The following CMIP variants were observed in gnomAD, a reference collection of about 807,000 sequenced individuals.
CMIP encodes C-Maf-inducing protein.
Under a neutral mutation model 97.3 loss-of-function variants are expected in CMIP, and 13 were observed. The ratio of observed to expected loss-of-function variants is 0.13; its 90% CI spans 0.09 to 0.21. CMIP has a LOEUF of 0.21. CMIP is among the 10% of genes least tolerant of loss of function. The pLI, the probability that CMIP is intolerant of heterozygous loss-of-function variation, is 1.00. For missense variants in CMIP, 847 were observed against 1,024.9 expected (o/e 0.83, Z 2.37); for synonymous variants, 538 against 436.3 (o/e 1.23, Z -2.91).
intron 3 of CMIP, among the ~76,000 whole-genome samples, chr16:81,635,460 T>C (rs1463820994): frequency 6.6e-6 from 1 of 152,072 alleles, no homozygotes; most frequent in African/African-American, 2.4e-5. Context: ...ACTGGGAAAA[T>C]CGATACGAAT....
intron 1 of CMIP, among the ~76,000 whole-genome samples, chr16:81,595,784 A>G (rs959795748): frequency 3.3e-5 from 5 of 152,178 alleles, no homozygotes; most frequent in African/African-American, 7.2e-5. Flanking sequence ...TTGTTTATCC[A>G]TCATCTGTTG....
intron 1 of CMIP, among the ~76,000 whole-genome samples, chr16:81,537,209 C>T (rs1042429060): frequency 1.6e-4 from 25 of 152,078 alleles, no homozygotes; most frequent in South Asian, 2.1e-4. Flanking sequence ...CCTGGAGTGT[C>T]GGGGCATCCT....
chr16:81,505,369 TCCATGTGGGCCTGGTCCTCCAGACC>T (rs567369267), intron 1 of CMIP, among the ~76,000 whole-genome samples: 1 of 152,292 alleles, frequency 6.6e-6, no homozygotes, highest in Admixed American at 6.5e-5. Context: ...TGTTCTTGCT[TCCATGTGGGCCTGGTCCTCCAGACC>T]CCACGCCTGG....
At chr16:81,566,984 C>G (rs1259359874) in intron 1 of CMIP, among the ~76,000 whole-genome samples, 3 of 152,186 alleles carry the variant, frequency 2.0e-5, no homozygotes, top group Admixed American at 2.0e-4. Context: ...AGGGAATTGC[C>G]AAGAAGGGAC....
chr16:81,641,040 G>T (rs745605800), intron 3 of CMIP, among the ~76,000 whole-genome samples: 2 of 152,058 alleles, frequency 1.3e-5, no homozygotes, highest in Non-Finnish European at 2.9e-5. Flanking sequence ...TTGTGGGTGA[G>T]AACCTTGCTT....
intron 1 of CMIP, among the ~76,000 whole-genome samples, chr16:81,513,446 A>G (rs1427069571): frequency 6.6e-6 from 1 of 152,136 alleles, no homozygotes; most frequent in Non-Finnish European, 1.5e-5. Flanking sequence ...CTGCCATACC[A>G]CCTGGCTGGA....
intron 1 of CMIP, among the ~76,000 whole-genome samples, chr16:81,451,978 G>A (rs560069766): frequency 6.6e-6 from 1 of 152,366 alleles, no homozygotes; most frequent in African/African-American, 2.4e-5. Flanking sequence ...GCTTACATCA[G>A]CAGAGCCCTA....
chr16:81,571,050 T>A (rs1482293703), intron 1 of CMIP, among the ~76,000 whole-genome samples: 1 of 152,222 alleles, frequency 6.6e-6, no homozygotes, highest in African/African-American at 2.4e-5. Flanking sequence ...TGTAACAAAT[T>A]CACCACACTA....
intron 1 of CMIP, among the ~76,000 whole-genome samples, chr16:81,548,588 TC>T (rs2090594112): frequency 6.6e-6 from 1 of 151,514 alleles, no homozygotes; most frequent in South Asian, 2.1e-4. Context: ...CACCTGTAAT[TC>T]CAGTTCCTTG....
chr16:81,595,768 A>T (rs4889346), intron 1 of CMIP, among the ~76,000 whole-genome samples: 39,649 of 152,078 alleles, frequency 0.26, 7,967 homozygotes, highest in African/African-American at 0.56. Context: ...ATGGATAGAC[A>T]ACATTTTGTT....
At chr16:81,550,972 AC>A (rs1250619609) in intron 1 of CMIP, among the ~76,000 whole-genome samples, 9 of 113,272 alleles carry the variant, frequency 7.9e-5, no homozygotes, top group Non-Finnish European at 1.6e-4. Context: ...CGTCACACGC[AC>A]CCCAGTCCCG....
intron 10 of CMIP, among the ~76,000 whole-genome samples, chr16:81,680,711 C>G (rs1195314575): frequency 6.6e-6 from 1 of 152,216 alleles, no homozygotes; most frequent in Non-Finnish European, 1.5e-5. Flanking sequence ...AGGGTGCCAG[C>G]TCTCCCAGCG....
chr16:81,558,547 G>A (rs1421505714), intron 1 of CMIP, among the ~76,000 whole-genome samples: 1 of 152,308 alleles, frequency 6.6e-6, no homozygotes, highest in African/African-American at 2.4e-5. Context: ...ACAGGACACC[G>A]CAGAGATGAC....
intron 1 of CMIP, among the ~76,000 whole-genome samples, chr16:81,556,496 C>T (rs868450493): frequency 2.0e-5 from 3 of 152,192 alleles, no homozygotes; most frequent in Non-Finnish European, 4.4e-5. Context: ...AATGTGCCAA[C>T]GATTACTATT....
chr16:81,609,664 C>T (rs536877563), intron 2 of CMIP, among the ~76,000 whole-genome samples: 35 of 152,304 alleles, frequency 2.3e-4, no homozygotes, highest in South Asian at 8.3e-4. Context: ...GCAGGCTCCC[C>T]AGACAGGGGG....
chr16:81,475,944 T>A, intron 1 of CMIP: 1 of 423,404 alleles, frequency 2.4e-6, no homozygotes, highest in Non-Finnish European at 4.4e-6. Context: ...CTGAGATTGC[T>A]CCACTGCGCT....
intron 20 of CMIP, among the ~76,000 whole-genome samples, 197 bp downstream of exon 20, chr16:81,707,281 T>A (rs990995111): frequency 3.3e-5 from 5 of 152,212 alleles, no homozygotes; most frequent in African/African-American, 1.2e-4. Context: ...GGAAGGCCTG[T>A]GTGGCCTGGG....
chr16:81,670,298 G>A, intron 8 of CMIP, 53 bp downstream of exon 8: 1 of 1,544,974 alleles, frequency 6.5e-7, no homozygotes, highest in Non-Finnish European at 8.8e-7. Flanking sequence ...TTTCCTCTCG[G>A]ATCCTGTTTA....
rs895689329 is a variant in CMIP, at chr16:81,710,903, T to G, written c.*1104T>G. On this transcript the variant is annotated 3_prime_UTR_variant, in exon 21 of 21. Coordinates refer to ENST00000537098, the MANE Select transcript of CMIP (RefSeq NM_198390.3). ...TCCCCAACGGAGACTCTGTCACCCC[T>G]GGGCTCCCCCTGCCATCGTGTGCTT... 2 of 152,074 alleles carry G rather than the reference T, an allele frequency of 1.3e-5. No homozygotes were observed. The highest frequency in any genetic ancestry group is 2.4e-5 in the African/African-American group (1 of 41,374). 9.4% of individuals were successfully genotyped at this position (152,074 alleles called of 1,614,324 possible).
Sources: allele counts gnomAD v4.1 joint callset (sites outside exome capture counted in the v4.1 genomes callset), GRCh38; gene constraint gnomAD v4.1.1; transcripts MANE v1.5; gene names NCBI Gene and HGNC (gene_info 2026-07-23, HGNC 2026-07-21).